MALRD1: variants seen among roughly 807,000 people sequenced by gnomAD.
MALRD1 encodes MAM and LDL receptor class A domain containing 1, also known as MAM and LDL-receptor class A domain-containing protein 1.
A neutral mutation model predicts 242.1 loss-of-function variants in MALRD1; 247 were observed. That is an observed-to-expected ratio of 1.02 (90% confidence interval 0.92 to 1.13). The LOEUF is 1.13. MALRD1 is among the 50% of genes most tolerant of loss of function. The pLI is 0.00. For synonymous variants in MALRD1, 995 were observed against 866.6 expected (o/e 1.15, Z -2.60); for missense variants, 2,989 against 2,533.1 (o/e 1.18, Z -3.86).
intron 38 of MALRD1, among the ~76,000 whole-genome samples, chr10:19,712,037 G>T (rs1377601339): frequency 6.6e-6 from 1 of 152,158 alleles, no homozygotes; most frequent in African/African-American, 2.4e-5. Context: ...TGAGTTTCAG[G>T]TCCTTGATAC....
intron 21 of MALRD1, chr10:19,290,118 A>T (rs1386641219): frequency 6.6e-6 from 1 of 152,280 alleles, no homozygotes. Flanking sequence ...CTTAAAATGC[A>T]TATTTTTTAC....
chr10:19,327,085 A>G (rs894869921), intron 22 of MALRD1, among the ~76,000 whole-genome samples: 1 of 152,058 alleles, frequency 6.6e-6, no homozygotes, highest in African/African-American at 2.4e-5. Context: ...ATAGATGCTC[A>G]CTCATCTTAC....
chr10:19,271,134 C>T (rs929352456), intron 19 of MALRD1, among the ~76,000 whole-genome samples: 1 of 152,006 alleles, frequency 6.6e-6, no homozygotes, highest in African/African-American at 2.4e-5. Flanking sequence ...TTTCTAGATA[C>T]ATAAGGAGAA....
chr10:19,131,033 T>G (rs1018959607), intron 8 of MALRD1, among the ~76,000 whole-genome samples: 7 of 152,126 alleles, frequency 4.6e-5, no homozygotes, highest in Non-Finnish European at 1.0e-4. Context: ...GTTTGATTTG[T>G]TAGTATCCTG....
intron 32 of MALRD1, 59 bp from the exon 33 acceptor site, chr10:19,567,443 G>A (rs1431937863): frequency 2.9e-6 from 4 of 1,372,780 alleles, no homozygotes; most frequent in Non-Finnish European, 4.0e-6. Context: ...CAATCATCTG[G>A]ATGTCCTGAT....
intron 8 of MALRD1, among the ~76,000 whole-genome samples, chr10:19,132,896 A>G (rs1057057674): frequency 1.2e-4 from 19 of 152,228 alleles, no homozygotes; most frequent in Non-Finnish European, 2.6e-4. Context: ...AATGCCATAC[A>G]TGCCGTAGAC....
At chr10:19,183,114 G>GTT (rs1250071324) in intron 14 of MALRD1, among the ~76,000 whole-genome samples, 14 of 95,512 alleles carry the variant, frequency 1.5e-4, no homozygotes, top group African/African-American at 4.6e-4. Flanking sequence ...TTATTTTGAG[G>GTT]GTTTTTTTTT....
intron 29 of MALRD1, among the ~76,000 whole-genome samples, chr10:19,486,912 A>G (rs1837261076): frequency 6.6e-6 from 1 of 152,132 alleles, no homozygotes; most frequent in African/African-American, 2.4e-5. Context: ...GTTTAAATCT[A>G]CAGTAGATTA....
intron 36 of MALRD1, among the ~76,000 whole-genome samples, chr10:19,630,999 A>G (rs374804768): frequency 4.6e-4 from 70 of 152,240 alleles, no homozygotes; most frequent in African/African-American, 1.6e-3. Flanking sequence ...CCTTTGAAAA[A>G]CTTTTATTTT....
At chr10:19,531,584 T>A (rs541760366) in intron 32 of MALRD1, among the ~76,000 whole-genome samples, 2 of 152,200 alleles carry the variant, frequency 1.3e-5, no homozygotes, top group African/African-American at 2.4e-5. Context: ...TTATGTTGTA[T>A]GGTATTTAAA....
At chr10:19,209,179 T>C (rs776847355) in intron 17 of MALRD1, 89 bp from the exon 18 acceptor site, 4 of 1,202,026 alleles carry the variant, frequency 3.3e-6, no homozygotes, top group Non-Finnish European at 4.5e-6. Flanking sequence ...AAGTATCAAC[T>C]AGCATTCTTT....
chr10:19,278,471 A>G (rs1840642843), intron 19 of MALRD1, among the ~76,000 whole-genome samples: 1 of 151,778 alleles, frequency 6.6e-6, no homozygotes, highest in Non-Finnish European at 1.5e-5. Flanking sequence ...CCATCCATCC[A>G]TCCATCCATC....
chr10:19,232,341 A>AT (rs34888584), intron 18 of MALRD1, among the ~76,000 whole-genome samples: 7,140 of 137,760 alleles, frequency 0.052, 400 homozygotes, highest in East Asian at 0.2. Context: ...TAATTTTTGT[A>AT]TTTTTTTTTT....
At chr10:19,151,644 G>T (rs973209523) in intron 11 of MALRD1, among the ~76,000 whole-genome samples, 7 of 151,998 alleles carry the variant, frequency 4.6e-5, no homozygotes, top group African/African-American at 1.7e-4. Context: ...AACCTTAAGT[G>T]CCATGCTTAC....
At chr10:19,153,297 CT>C (rs974917914) in intron 11 of MALRD1, among the ~76,000 whole-genome samples, 2 of 152,106 alleles carry the variant, frequency 1.3e-5, no homozygotes, top group Admixed American at 6.6e-5. Flanking sequence ...AAATTTTGTC[CT>C]ATTTTCATCC....
intron 21 of MALRD1, among the ~76,000 whole-genome samples, chr10:19,307,944 T>A (rs1411614590): frequency 6.6e-6 from 1 of 151,542 alleles, no homozygotes; most frequent in East Asian, 1.9e-4. Flanking sequence ...TTACATATGA[T>A]GTTTTGATAC....
chr10:19,421,467 T>C (rs1833716953), intron 28 of MALRD1, among the ~76,000 whole-genome samples: 2 of 152,160 alleles, frequency 1.3e-5, no homozygotes, highest in South Asian at 2.1e-4. Context: ...GGTTAGAGGC[T>C]GCAGTGAAGT....
chr10:19,388,345 A>G (rs1035569589), intron 27 of MALRD1, among the ~76,000 whole-genome samples: 9 of 152,220 alleles, frequency 5.9e-5, no homozygotes, highest in East Asian at 1.9e-4. Flanking sequence ...AATTCAAACC[A>G]TAACAGTTTT....
At chr10:19,719,009 AAAAATT>A (rs1834559490) in intron 38 of MALRD1, among the ~76,000 whole-genome samples, 1 of 151,006 alleles carries the variant, frequency 6.6e-6, no homozygotes, top group Non-Finnish European at 1.5e-5. Context: ...AATTTAAAAA[AAAAATT>A]AGCTGGTCAT....
Sources: gnomAD v4.1 joint callset for allele counts (sites outside exome capture counted in the v4.1 genomes callset) on GRCh38, gnomAD v4.1.1 for gene constraint, MANE v1.5 for transcripts, NCBI Gene and HGNC (gene_info 2026-07-23, HGNC 2026-07-21) for gene names.